Variants in RAB3IL1 observed in about 807,000 individuals in gnomAD.
The protein encoded by RAB3IL1 is RAB3A interacting protein like 1.
RAB3IL1 carries 37 observed loss-of-function variants against 49.2 expected under a neutral mutation model. That is an observed-to-expected ratio of 0.75 (90% CI 0.58 to 0.99). The LOEUF is 0.99. Among genes scored for constraint, RAB3IL1 ranks in the 50% least tolerant of loss-of-function variants. The probability of loss-of-function intolerance (pLI) is 0.00; values close to 1 mark genes in which losing one functional copy is unlikely to be tolerated. For synonymous variants in RAB3IL1, 193 were observed against 213.9 expected (o/e 0.90, Z 0.85); for missense variants, 484 against 513.0 (o/e 0.94, Z 0.55).
In RAB3IL1 at chr11:61,907,595, CTCCTG is replaced by C. The variant is rs919974975; in HGVS notation, c.325_329del (p.Gln109AlafsTer10). The C allele has an allele frequency of 2.5e-5, 40 of 1,614,048 alleles. No homozygotes were observed. Among genetic ancestry groups the C allele is most frequent in the Non-Finnish European group, 3.3e-5 (39 of 1,180,036 alleles). On this transcript the variant is annotated frameshift_variant, in exon 3 of 10. Coordinates refer to ENST00000394836, the MANE Select transcript of RAB3IL1 (RefSeq NM_013401.4). LOFTEE classifies it high-confidence loss of function. Reference sequence around the variant, plus strand: ...ACAGGCTGGCCGTCAGCTCTTCCAGCTCCTGTTCTAGCTGCTCCCGCACCTTGGAC... The same window carrying C: ...ACAGGCTGGCCGTCAGCTCTTCCAGCTTCTAGCTGCTCCCGCACCTTGGAC...
At chr11:61,928,268 G>T in the RAB3IL1 span, among the ~76,000 whole-genome samples, 1 of 152,164 alleles carries the variant, frequency 6.6e-6, no homozygotes, top group Non-Finnish European at 1.5e-5. Context: ...ACCCACAAAG[G>T]AAAGTGCAGC....
upstream of RAB3IL1, among the ~76,000 whole-genome samples, chr11:61,922,948 T>C (rs77071864): frequency 0.094 from 14,271 of 152,232 alleles, 669 homozygotes; most frequent in Non-Finnish European, 0.099. Flanking sequence ...GAAAACAGGA[T>C]ATGTGAAGGG....
intron 5 of RAB3IL1, among the ~76,000 whole-genome samples, chr11:61,905,868 G>A (rs1939158242): frequency 6.6e-6 from 1 of 152,182 alleles, no homozygotes; most frequent in Non-Finnish European, 1.5e-5. Flanking sequence ...GAAAGCTGAG[G>A]TGCTGACAGG....
chr11:61,909,080 G>A (rs946012611), intron 1 of RAB3IL1, among the ~76,000 whole-genome samples: 1 of 152,226 alleles, frequency 6.6e-6, no homozygotes, highest in South Asian at 2.1e-4. Flanking sequence ...AAGGGAGGGC[G>A]AGGGCCCGGC....
At chr11:61,909,143 G>C (rs576096589) in intron 1 of RAB3IL1, among the ~76,000 whole-genome samples, 1 of 152,334 alleles carries the variant, frequency 6.6e-6, no homozygotes, top group Non-Finnish European at 1.5e-5. Flanking sequence ...CTCAGCAAAA[G>C]CTGGAGGCTC....
At chr11:61,920,650 G>A (rs189462541), upstream of RAB3IL1, among the ~76,000 whole-genome samples, 2 of 152,336 alleles carry the variant, frequency 1.3e-5, no homozygotes, top group Non-Finnish European at 2.9e-5. Context: ...TTGGTGGGGC[G>A]CGGAGGCTCA....
chr11:61,912,912 T>TG (rs1436393097), intron 1 of RAB3IL1, among the ~76,000 whole-genome samples: 6 of 149,658 alleles, frequency 4.0e-5, no homozygotes, highest in Admixed American at 6.7e-5. Flanking sequence ...AGGGGCTGGA[T>TG]GGGGGGGCAG....
chr11:61,907,443 T>A lies in RAB3IL1; in HGVS notation c.388A>T (p.Asn130Tyr), dbSNP rs878928567. ...TTTTCTGATGCCGCCTGCTTCATGT[T>A]GGCTTCTCGAACCATCTTGTGAGCT... ...EEAHKMVREANMKQAASEKQL... is the reference protein window; with the variant it reads ...EEAHKMVREAYMKQAASEKQL... Residue 130 changes from asparagine (N) to tyrosine (Y), a missense_variant, in exon 4 of 10, where the codon AAC becomes TAC. Asn to Tyr is a moderately radical substitution (Grantham distance 143). Transcript: ENST00000394836. The A allele has an allele frequency of 6.2e-7, 1 of 1,614,082 alleles. No individual in the cohort carries two copies. Among genetic ancestry groups the A allele is most frequent in the African/African-American group, 1.3e-5 (1 of 74,942 alleles).
chr11:61,902,858 C>T (rs1010134680), intron 7 of RAB3IL1, among the ~76,000 whole-genome samples: 1 of 152,156 alleles, frequency 6.6e-6, no homozygotes, highest in Non-Finnish European at 1.5e-5. Flanking sequence ...ATGCCTCTCC[C>T]TCTACTTCTG....
In RAB3IL1 at chr11:61,904,804, T is replaced by C. The variant is rs755706253; in HGVS notation, c.736A>G (p.Arg246Gly). Residue 246 changes from arginine (R) to glycine (G), a missense_variant, in exon 6 of 10, where the codon AGG becomes GGG. Physicochemically the swap from Arg to Gly is moderately radical, Grantham distance 125. Coordinates refer to ENST00000394836, the MANE Select transcript of RAB3IL1 (RefSeq NM_013401.4). ...GGGCCCACGTCCTCTCGGTACACCC[T>C]TTCCAGGAAGGGGCAGGTCTTGTCC... The part of the protein sequence containing the change: ...TLDKTCPFLE[R>G]VYREDVGPCL... The C allele has an allele frequency of 3.7e-6, 6 of 1,611,684 alleles. No individual in the cohort carries two copies. The African/African-American group carries it at 6.7e-5, about 18-fold the overall frequency.
At chr11:61,899,065 CAG>C (rs1938761326) in intron 9 of RAB3IL1, 1 of 570,482 alleles carries the variant, frequency 1.8e-6, no homozygotes, top group Admixed American at 2.6e-5. Context: ...GAGAGATTCA[CAG>C]GGGTGGCCCC....
chr11:61,923,491 G>T (rs1160181796), upstream of RAB3IL1, among the ~76,000 whole-genome samples: 1 of 152,222 alleles, frequency 6.6e-6, no homozygotes, highest in Non-Finnish European at 1.5e-5. Context: ...CAGCTGGCAG[G>T]CTCAAGGCAG....
At chr11:61,936,332 CAA>C in the RAB3IL1 span, among the ~76,000 whole-genome samples, 1 of 152,150 alleles carries the variant, frequency 6.6e-6, no homozygotes, top group South Asian at 2.1e-4. Flanking sequence ...AGGATAAACA[CAA>C]AGAGATCAAA....
In RAB3IL1 at chr11:61,908,041, T is replaced by C. The variant is rs1939287038; in HGVS notation, c.264+13A>G. The C allele has an allele frequency of 1.2e-6, 2 of 1,600,516 alleles. No homozygotes were observed. The highest frequency in any genetic ancestry group is 1.7e-6 in the Non-Finnish European group (2 of 1,171,982). On this transcript the variant is annotated intron_variant, in intron 2 of 9. Coordinates refer to ENST00000394836, the MANE Select transcript of RAB3IL1 (RefSeq NM_013401.4). ...CCCCACCGAAGACCCCCCAGCCTACTGCAGGCACCCACCTTCTGCGCTCTG... is the reference window on the plus strand; with the variant it reads ...CCCCACCGAAGACCCCCCAGCCTACCGCAGGCACCCACCTTCTGCGCTCTG...
At chr11:61,936,918 G>A in the RAB3IL1 span, among the ~76,000 whole-genome samples, 7 of 152,004 alleles carry the variant, frequency 4.6e-5, no homozygotes, top group East Asian at 1.9e-4. Flanking sequence ...AGAGTTTGTC[G>A]CTAGTAGACC....
the RAB3IL1 span, among the ~76,000 whole-genome samples, chr11:61,945,411 C>T: frequency 6.6e-6 from 1 of 152,336 alleles, no homozygotes; most frequent in African/African-American, 2.4e-5. Flanking sequence ...GCCGTGGAAG[C>T]GAACCGCAGG....
At chr11:61,923,713 G>C (rs930826997), upstream of RAB3IL1, among the ~76,000 whole-genome samples, 1 of 152,172 alleles carries the variant, frequency 6.6e-6, no homozygotes, top group African/African-American at 2.4e-5. Flanking sequence ...ACAGCCCCAG[G>C]GTTCCTGAAA....
At chr11:61,932,212 C>T in the RAB3IL1 span, among the ~76,000 whole-genome samples, 35 of 151,772 alleles carry the variant, frequency 2.3e-4, no homozygotes, top group African/African-American at 8.0e-4. Flanking sequence ...GATCTCACCA[C>T]TGCACTCCAG....
intron 2 of RAB3IL1, 64 bp from the exon 3 acceptor site, chr11:61,907,724 A>G (rs1939269809): frequency 6.9e-7 from 1 of 1,439,142 alleles, no homozygotes; most frequent in Non-Finnish European, 9.7e-7. Context: ...GGGAGGGACC[A>G]GGCCCACCGG....
Sources: gnomAD v4.1 joint callset for allele counts (sites outside exome capture counted in the v4.1 genomes callset) on GRCh38, gnomAD v4.1.1 for gene constraint, MANE v1.5 for transcripts, NCBI Gene and HGNC (gene_info 2026-07-23, HGNC 2026-07-21) for gene names.